The following IRAK2 variants were observed in gnomAD, a reference collection of about 807,000 sequenced individuals.
IRAK2 encodes interleukin 1 receptor associated kinase 2, also known as interleukin-1 receptor-associated kinase-like 2.
A neutral mutation model predicts 72.0 loss-of-function variants in IRAK2; 57 were observed. The observed-to-expected ratio is 0.79, with a 90% CI of 0.64 to 0.99. The LOEUF is 0.99. Ranked by LOEUF, IRAK2 falls within the 50% of genes least tolerant of loss-of-function variation. The pLI, the probability that IRAK2 is intolerant of heterozygous loss-of-function variation, is 0.00. For synonymous variants in IRAK2, 293 were observed against 312.7 expected, an observed-to-expected ratio of 0.94 and a Z score of 0.67; for missense variants, 790 against 794.4, an observed-to-expected ratio of 0.99 and a Z score of 0.07.
chr3:10,221,193 C>A (rs1697684056), intron 8 of IRAK2, among the ~76,000 whole-genome samples: 2 of 149,936 alleles, frequency 1.3e-5, no homozygotes, highest in South Asian at 4.2e-4. Context: ...GAGATCGAGA[C>A]CATCCTGGCT....
intron 11 of IRAK2, among the ~76,000 whole-genome samples, chr3:10,238,164 GA>G (rs1050866940): frequency 2.0e-5 from 3 of 152,078 alleles, no homozygotes; most frequent in African/African-American, 4.8e-5. Flanking sequence ...GTGAATTAGC[GA>G]ATGAATGAAC....
At chr3:10,174,678 C>T (rs898257624) in intron 1 of IRAK2, among the ~76,000 whole-genome samples, 6 of 151,942 alleles carry the variant, frequency 3.9e-5, no homozygotes, top group African/African-American at 1.5e-4. Context: ...GTGGGCACCA[C>T]CACGCTTGGC....
At chr3:10,174,723 C>T (rs1696846535) in intron 1 of IRAK2, among the ~76,000 whole-genome samples, 1 of 151,968 alleles carries the variant, frequency 6.6e-6, no homozygotes, top group Non-Finnish European at 1.5e-5. Flanking sequence ...TGGGAGTTCA[C>T]CATGTTGGCC....
intron 6 of IRAK2, among the ~76,000 whole-genome samples, chr3:10,215,065 C>T (rs184427846): frequency 9.9e-5 from 15 of 151,130 alleles, no homozygotes; most frequent in East Asian, 9.7e-4. Flanking sequence ...ACACTCCAGC[C>T]GGGGCAACAA....
chr3:10,234,441 C>A lies in IRAK2; in HGVS notation c.1273-18C>A. ...CTCTGCAGCTCACGCAAGGGCGTTT[C>A]TACCCTTCTTCCCACAGAAGGACTT... is the stretch of plus-strand genomic sequence containing the variant. On this transcript the variant is annotated intron_variant, in intron 10 of 12. Coordinates refer to ENST00000256458, the MANE Select transcript of IRAK2 (RefSeq NM_001570.4). 1 of 1,609,702 alleles carries A rather than the reference C, an allele frequency of 6.2e-7. No individual in the cohort carries two copies. Among genetic ancestry groups the A allele is most frequent in the Non-Finnish European group, 8.5e-7 (1 of 1,175,998 alleles).
At chr3:10,190,186 C>T (rs1226501443) in intron 2 of IRAK2, among the ~76,000 whole-genome samples, 10 of 149,664 alleles carry the variant, frequency 6.7e-5, no homozygotes, top group African/African-American at 2.2e-4. Flanking sequence ...TCACTTGCCC[C>T]ATCTGGAAAA....
chr3:10,219,911 T>C lies in IRAK2; in HGVS notation c.1013+122T>C, dbSNP rs543074180. On this transcript the variant is annotated intron_variant, in intron 8 of 12. Coordinates refer to ENST00000256458, the MANE Select transcript of IRAK2 (RefSeq NM_001570.4). ...TCCTCTTTGTTTTTCTCTTCCTACC[T>C]CCTCTCCTCTGCCCTCCCCTGGATG... 15 of 666,610 alleles carry C rather than the reference T, an allele frequency of 2.3e-5. No homozygotes were observed. In the African/African-American group the frequency reaches 2.5e-4, roughly 11 times the overall value. 41.3% of individuals were successfully genotyped at this position (666,610 alleles called of 1,614,324 possible).
intron 3 of IRAK2, among the ~76,000 whole-genome samples, chr3:10,202,681 T>TTTC (rs756146674): frequency 3.6e-5 from 5 of 137,304 alleles, no homozygotes; most frequent in Non-Finnish European, 7.7e-5. Flanking sequence ...TGCTGTTTAC[T>TTTC]TTCTTTCCTT....
intron 2 of IRAK2, among the ~76,000 whole-genome samples, chr3:10,187,760 C>T (rs1404381320): frequency 6.6e-6 from 1 of 152,098 alleles, no homozygotes; most frequent in Non-Finnish European, 1.5e-5. Context: ...ACTGATATGC[C>T]CATGAGATCA....
intron 3 of IRAK2, among the ~76,000 whole-genome samples, chr3:10,205,977 G>A (rs2125153185): frequency 6.6e-6 from 1 of 152,274 alleles, no homozygotes; most frequent in Non-Finnish European, 1.5e-5. Flanking sequence ...CGGGGGCCCT[G>A]TGCTGGCCAG....
At chr3:10,226,477 T>G (rs755496061) in intron 10 of IRAK2, 44 bp downstream of exon 10, 3 of 1,530,148 alleles carry the variant, frequency 2.0e-6, no homozygotes. Flanking sequence ...TATTTGGGCC[T>G]CACAGCTCTG....
intron 8 of IRAK2, among the ~76,000 whole-genome samples, chr3:10,221,612 C>T (rs527808832): frequency 3.4e-4 from 51 of 151,018 alleles, no homozygotes; most frequent in African/African-American, 1.2e-3. Flanking sequence ...AGTACAGTGG[C>T]GCAATCTCAG....
chr3:10,229,894 A>G (rs1697833591), intron 10 of IRAK2, among the ~76,000 whole-genome samples: 1 of 152,166 alleles, frequency 6.6e-6, no homozygotes, highest in Non-Finnish European at 1.5e-5. Context: ...TGAGTTCAGG[A>G]GTTCAAGACC....
intron 9 of IRAK2, among the ~76,000 whole-genome samples, chr3:10,223,680 A>T (rs1697729245): frequency 6.6e-6 from 1 of 152,236 alleles, no homozygotes; most frequent in African/African-American, 2.4e-5. Flanking sequence ...TCATTTGACT[A>T]TGGAACCTTG....
intron 10 of IRAK2, among the ~76,000 whole-genome samples, chr3:10,227,275 C>T (rs371964825): frequency 6.6e-6 from 1 of 152,034 alleles, no homozygotes; most frequent in African/African-American, 2.4e-5. Flanking sequence ...TGGCGAAACC[C>T]TGTCTCTACT....
rs866971572 is a variant in IRAK2, at chr3:10,196,179, A to G, written c.278-4190A>G. Among the ~76,000 whole-genome samples, 7 of 152,328 alleles carry G rather than the reference A, an allele frequency of 4.6e-5. No individual in the cohort carries two copies. The South Asian group carries it at 6.2e-4, about 14-fold the overall frequency. On this transcript the variant is annotated intron_variant, in intron 2 of 12. Coordinates refer to ENST00000256458, the MANE Select transcript of IRAK2 (RefSeq NM_001570.4). ...GCCCAGGCTGGAGTGCAGTGGCACA[A>G]TCTTAGCACACTGCAGCCTCCGCCT...
Position 10,242,103 on chromosome 3 carries a change from T to G in IRAK2, c.1766-13T>G. On this transcript the variant is annotated splice_polypyrimidine_tract_variant and intron_variant, in intron 12 of 12. Coordinates refer to ENST00000256458, the MANE Select transcript of IRAK2 (RefSeq NM_001570.4). ...ATTCAAGTCGCTCTTGTTTGCTTTC[T>G]GTTGAACATCAGTTACAGAAACTTC... The G allele has an allele frequency of 6.7e-7, 1 of 1,489,150 alleles. No individual in the cohort carries two copies. Among genetic ancestry groups the G allele is most frequent in the Non-Finnish European group, 9.4e-7 (1 of 1,068,878 alleles). The allele number at this position is 1,489,150 out of a possible 1,614,324, so 92.2% of individuals were successfully genotyped here.
At chr3:10,184,608 A>G (rs1173190756) in intron 2 of IRAK2, among the ~76,000 whole-genome samples, 1 of 150,466 alleles carries the variant, frequency 6.6e-6, no homozygotes, top group Non-Finnish European at 1.5e-5. Context: ...CACAATAAAA[A>G]ACTCCTACTT....
At position 10,200,369 on chromosome 3, in the gene IRAK2, G is replaced by A. The variant is rs1482580591; in HGVS notation, c.278G>A (p.Trp93Ter). The A allele has an allele frequency of 3.2e-6, 5 of 1,581,114 alleles. No individual in the cohort carries two copies. Among genetic ancestry groups the A allele is most frequent in the Non-Finnish European group, 4.3e-6 (5 of 1,160,144 alleles). The change falls in exon 3 of 13, where the codon TGG becomes TAG. Residue 93 changes from tryptophan to a stop codon, truncating the protein, a stop_gained and splice_region_variant. Transcript: ENST00000256458. LOFTEE classifies it high-confidence loss of function. The part of the protein sequence containing the change: ...LYRAAQIILN[W>*]KPAPEIRCPI... ...AACTTTCTTTCCACCTTGTTTTCAG[G>A]GAAACCGGCTCCTGAAATCAGGTGT...
Sources: allele counts gnomAD v4.1 joint callset (sites outside exome capture counted in the v4.1 genomes callset), GRCh38; gene constraint gnomAD v4.1.1; transcripts MANE v1.5; gene names NCBI Gene and HGNC (gene_info 2026-07-23, HGNC 2026-07-21).